The following PLAG1 variants were observed in gnomAD, a reference collection of about 807,000 sequenced individuals.
PLAG1 encodes the protein zinc finger protein PLAG1.
In PLAG1, 7 loss-of-function variants were observed where a neutral mutation model predicts 35.5. The ratio of observed to expected loss-of-function variants is 0.20; its 90% confidence interval spans 0.11 to 0.37. The LOEUF is 0.37. Among genes scored for constraint, PLAG1 ranks in the 10% least tolerant of loss-of-function variants. PLAG1 has a pLI of 1.00. For synonymous variants in PLAG1, 229 were observed against 225.4 expected, an observed-to-expected ratio of 1.02 and a Z score of -0.14; for missense variants, 454 against 602.8, an observed-to-expected ratio of 0.75 and a Z score of 2.58.
At chr8:56,194,658 T>C (rs1396728755) in intron 1 of PLAG1, among the ~76,000 whole-genome samples, 1 of 151,990 alleles carries the variant, frequency 6.6e-6, no homozygotes, top group Non-Finnish European at 1.5e-5. Context: ...CATGTGTGTA[T>C]GTGGGTGCAG....
Position 56,164,136 on chromosome 8 carries a change from T to C in PLAG1, c.*2107A>G, listed in dbSNP as rs1811285286. On this transcript the variant is annotated 3_prime_UTR_variant, in exon 5 of 5. Transcript: ENST00000316981. ...AAAAATGTACTTCCTTATTAACATA[T>C]ATAATTTTAATGCCTTTGGAACACA... 5.3e-6 allele frequency: 1 copy of C among 187,526 alleles called. No individual in the cohort carries two copies. The highest frequency in any genetic ancestry group is 2.3e-5 in the African/African-American group (1 of 42,796). 11.6% of individuals were successfully genotyped at this position (187,526 alleles called of 1,614,324 possible). A position where few individuals can be genotyped will look rare whatever the true frequency, so the allele number is the denominator to read the frequency against.
In PLAG1 at chr8:56,204,253, ACTCT is replaced by A. The variant is rs1812638439; in HGVS notation, c.-322+6864_-322+6867del. ...ATAAAAATAAAACCTACTTATTGTA[ACTCT>A]CTCAGGGTATGAAGAAAAGTGACGT... On this transcript the variant is annotated intron_variant, in intron 1 of 4. Transcript: ENST00000316981. 2.0e-5 allele frequency among the ~76,000 whole-genome samples: 3 copies of A among 151,978 alleles called. No individual in the cohort carries two copies. In the South Asian group the frequency reaches 6.2e-4, roughly 32 times the overall value.
At chr8:56,177,838 G>A (rs1363860355) in intron 2 of PLAG1, among the ~76,000 whole-genome samples, 1 of 152,162 alleles carries the variant, frequency 6.6e-6, no homozygotes, top group Non-Finnish European at 1.5e-5. Context: ...GTTTGTTTTG[G>A]CAGAGAGGTA....
intron 2 of PLAG1, among the ~76,000 whole-genome samples, chr8:56,173,636 C>T (rs868344586): frequency 9.9e-5 from 15 of 150,962 alleles, no homozygotes; most frequent in Non-Finnish European, 1.3e-4. Context: ...TTTCAAGTGA[C>T]GAAAATTCTC....
chr8:56,194,663 G>T (rs1173956868), intron 1 of PLAG1, among the ~76,000 whole-genome samples: 2 of 152,034 alleles, frequency 1.3e-5, no homozygotes, highest in Non-Finnish European at 2.9e-5. Context: ...GTGTATGTGG[G>T]TGCAGCATGC....
chr8:56,171,148 C>G lies in PLAG1; in HGVS notation c.-175G>C, dbSNP rs548232474. On this transcript the variant is annotated 5_prime_UTR_variant, in exon 3 of 5. Coordinates refer to ENST00000316981, the MANE Select transcript of PLAG1 (RefSeq NM_002655.3). ...ATCTTAGCCAGTCCCATTGACTCTT[C>G]GTGGAAGAGAGTGGAATCCAATCCT... 1 of 982,998 alleles carries G rather than the reference C, an allele frequency of 1.0e-6. No individual in the cohort carries two copies. Among genetic ancestry groups the G allele is most frequent in the Admixed American group, 6.2e-5 (1 of 16,248 alleles). The allele number at this position is 982,998 out of a possible 1,614,324, so 60.9% of individuals were successfully genotyped here.
intron 2 of PLAG1, among the ~76,000 whole-genome samples, chr8:56,175,126 C>T (rs544747782): frequency 6.6e-6 from 1 of 152,236 alleles, no homozygotes; most frequent in East Asian, 1.9e-4. Flanking sequence ...TGAAACTAAG[C>T]AGCTATTTGA....
In PLAG1 at chr8:56,164,054, C is replaced by G. The variant is rs1811283512; in HGVS notation, c.*2189G>C. On this transcript the variant is annotated 3_prime_UTR_variant, in exon 5 of 5. Transcript: ENST00000316981. The stretch of plus-strand genomic sequence containing the variant: ...AGCAGTAATGAAGCAGAGCGAAAAG[C>G]CTACTTTCAGAAAAAATATTCTCCT... The G allele has an allele frequency of 5.4e-6, 1 of 185,912 alleles. No homozygotes were observed. The highest frequency in any genetic ancestry group is 1.1e-5 in the Non-Finnish European group (1 of 87,590). The allele number at this position is 185,912 out of a possible 1,614,324, so 11.5% of individuals were successfully genotyped here.
chr8:56,184,557 T>C (rs1811964144), intron 1 of PLAG1, among the ~76,000 whole-genome samples: 2 of 152,186 alleles, frequency 1.3e-5, no homozygotes, highest in Admixed American at 6.5e-5. Flanking sequence ...TTGTTTATAA[T>C]AGTCAAAACT....
chr8:56,202,610 A>T (rs1793110898), intron 1 of PLAG1, among the ~76,000 whole-genome samples: 1 of 152,230 alleles, frequency 6.6e-6, no homozygotes, highest in South Asian at 2.1e-4. Flanking sequence ...TTCTCCCACA[A>T]CAAACTGCTT....
intron 2 of PLAG1, among the ~76,000 whole-genome samples, chr8:56,172,026 A>T (rs1464998816): frequency 6.6e-6 from 1 of 152,238 alleles, no homozygotes; most frequent in Non-Finnish European, 1.5e-5. Flanking sequence ...AGCACAAGGC[A>T]TGAGAGATCA....
At chr8:56,176,726 G>A (rs1244984246) in intron 2 of PLAG1, among the ~76,000 whole-genome samples, 1 of 151,520 alleles carries the variant, frequency 6.6e-6, no homozygotes, top group Non-Finnish European at 1.5e-5. Context: ...TTACAAAGTA[G>A]GTAGCCCACA....
intron 1 of PLAG1, among the ~76,000 whole-genome samples, chr8:56,193,061 A>C (rs909666819): frequency 1.3e-5 from 2 of 152,382 alleles, no homozygotes; most frequent in Admixed American, 1.3e-4. Context: ...ACAAAAGATA[A>C]GTAGGCAGAT....
chr8:56,194,989 A>G (rs1812314738), intron 1 of PLAG1, among the ~76,000 whole-genome samples: 1 of 152,092 alleles, frequency 6.6e-6, no homozygotes, highest in Non-Finnish European at 1.5e-5. Flanking sequence ...GAAAGCAAAT[A>G]AGGTGGGTGG....
chr8:56,188,017 TA>T (rs1812073315), intron 1 of PLAG1, among the ~76,000 whole-genome samples: 2 of 152,160 alleles, frequency 1.3e-5, no homozygotes, highest in African/African-American at 4.8e-5. Context: ...CTTTGGTTGG[TA>T]AAAGATGATA....
At chr8:56,197,698 G>A (rs1388303401) in intron 1 of PLAG1, among the ~76,000 whole-genome samples, 1 of 152,184 alleles carries the variant, frequency 6.6e-6, no homozygotes, top group Non-Finnish European at 1.5e-5. Context: ...CCCCTGCTCT[G>A]GGTATTCTGG....
At chr8:56,176,245 G>T (rs1811691451) in intron 2 of PLAG1, among the ~76,000 whole-genome samples, 1 of 151,850 alleles carries the variant, frequency 6.6e-6, no homozygotes, top group Non-Finnish European at 1.5e-5. Flanking sequence ...AGAGATGGGG[G>T]TTTTGCTATG....
At chr8:56,190,967 G>A (rs1240923397) in intron 1 of PLAG1, among the ~76,000 whole-genome samples, 1 of 152,198 alleles carries the variant, frequency 6.6e-6, no homozygotes, top group Non-Finnish European at 1.5e-5. Context: ...GGCAGGCATG[G>A]GAAATGTGGC....
intron 1 of PLAG1, among the ~76,000 whole-genome samples, chr8:56,186,584 G>A (rs962133063): frequency 6.6e-6 from 1 of 151,622 alleles, no homozygotes; most frequent in African/African-American, 2.4e-5. Context: ...TGTTGCCCAG[G>A]CTGGTCTTGA....
Sources: gnomAD v4.1 joint callset for allele counts (sites outside exome capture counted in the v4.1 genomes callset) on GRCh38, gnomAD v4.1.1 for gene constraint, MANE v1.5 for transcripts, NCBI Gene and HGNC (gene_info 2026-07-23, HGNC 2026-07-21) for gene names.